Variants in MAST3 observed in about 807,000 individuals in gnomAD.
MAST3 encodes microtubule-associated serine/threonine-protein kinase 3.
A neutral mutation model predicts 127.0 loss-of-function variants in MAST3; 43 were observed. The observed-to-expected ratio is 0.34, with a 90% confidence interval of 0.27 to 0.44. The LOEUF (loss-of-function observed/expected upper bound fraction) is 0.44, where lower values mean the gene tolerates loss of function less well. Ranked by LOEUF, MAST3 falls within the 20% of genes least tolerant of loss-of-function variation. The probability of loss-of-function intolerance (pLI) is 1.00; values close to 1 mark genes in which losing one functional copy is unlikely to be tolerated. For missense variants in MAST3, 1,390 were observed against 1,919.1 expected (o/e 0.72, Z 5.15); for synonymous variants, 785 against 809.2 (o/e 0.97, Z 0.51).
intron 19 of MAST3, 127 bp from the exon 20 acceptor site, chr19:18,138,888 C>T (rs1343783004): frequency 4.5e-6 from 3 of 668,142 alleles, no homozygotes; most frequent in Non-Finnish European, 8.1e-6. Flanking sequence ...ACACCAGGCA[C>T]TGTCCCACCT....
intron 13 of MAST3, 119 bp downstream of exon 13, chr19:18,129,070 G>GTGT: frequency 2.4e-6 from 2 of 838,440 alleles, no homozygotes; most frequent in Non-Finnish European, 1.9e-6. Flanking sequence ...ATCCTTGAAT[G>GTGT]GGCAGAGAAG....
intron 3 of MAST3, among the ~76,000 whole-genome samples, chr19:18,114,851 A>G (rs566312717): frequency 1.3e-5 from 2 of 152,042 alleles, no homozygotes; most frequent in Non-Finnish European, 2.9e-5. Context: ...TGGATTTTCT[A>G]CCTAGGGCAC....
chr19:18,134,717 CGGGCAGGTGGGT>C lies in MAST3; in HGVS notation c.1704+13_1704+24del. 1 of 1,612,222 alleles carries C rather than the reference CGGGCAGGTGGGT, an allele frequency of 6.2e-7. No homozygotes were observed. The highest frequency in any genetic ancestry group is 8.5e-7 in the Non-Finnish European group (1 of 1,178,710). ...GAGAGTTCATCGACAAGCAGGTGGG[CGGGCAGGTGGGT>C]GGGCAGCCCCGGGATGCCTCCTCCT... On this transcript the variant is annotated splice_region_variant and intron_variant, in intron 16 of 27. Transcript: ENST00000687212.
intron 21 of MAST3, 69 bp downstream of exon 21, chr19:18,142,084 T>G (rs950093205): frequency 7.5e-7 from 1 of 1,338,000 alleles, no homozygotes; most frequent in Non-Finnish European, 9.7e-7. Context: ...ACACAAAATC[T>G]GATGCAAAGG....
chr19:18,128,476 G>A lies in MAST3; in HGVS notation c.1137+18G>A. ...CCCCAGAGGTGAGTAGCAGAGGCTG[G>A]GGGACCCCCGCTCATCTTGTTCTTT... On this transcript the variant is annotated intron_variant, in intron 12 of 27. Coordinates refer to ENST00000687212, the MANE Select transcript of MAST3 (RefSeq NM_001393504.1). The A allele has an allele frequency of 6.4e-7, 1 of 1,551,318 alleles. No individual in the cohort carries two copies. The highest frequency in any genetic ancestry group is 8.7e-7 in the Non-Finnish European group (1 of 1,146,858).
intron 14 of MAST3, among the ~76,000 whole-genome samples, chr19:18,131,196 G>T (rs561112545): frequency 1.3e-5 from 2 of 151,400 alleles, no homozygotes; most frequent in Non-Finnish European, 2.9e-5. Context: ...TGGGCTGATC[G>T]CTTGAGGTCA....
intron 14 of MAST3, among the ~76,000 whole-genome samples, chr19:18,131,194 T>G (rs1359251112): frequency 6.6e-6 from 1 of 152,228 alleles, no homozygotes; most frequent in East Asian, 1.9e-4. Context: ...AGTGGGCTGA[T>G]CGCTTGAGGT....
chr19:18,121,586 C>A, intron 3 of MAST3, 99 bp from the exon 4 acceptor site: 1 of 1,040,190 alleles, frequency 9.6e-7, no homozygotes, highest in Non-Finnish European at 1.5e-6. Context: ...AACATCCCAT[C>A]CTTCTCCAGA....
intron 1 of MAST3, among the ~76,000 whole-genome samples, chr19:18,105,735 T>G (rs1466388568): frequency 6.6e-6 from 1 of 151,954 alleles, no homozygotes; most frequent in African/African-American, 2.4e-5. Context: ...GAGGATGGAC[T>G]GTGAGGTCAC....
intron 14 of MAST3, 31 bp downstream of exon 14, chr19:18,130,733 C>T (rs933583361): frequency 3.1e-6 from 5 of 1,598,676 alleles, no homozygotes; most frequent in East Asian, 2.2e-5. Flanking sequence ...ATGCCTCCAG[C>T]GATGGGGAGC....
Position 18,144,224 on chromosome 19 carries a change from C to T in MAST3, c.2584+217C>T, listed in dbSNP as rs553060502. Reference sequence around the variant, plus strand: ...CATAGAGTCAGGATGGGACCCCTAGCTCCCAAGATGGGGGAACTAAGGGTC... The same window carrying T: ...CATAGAGTCAGGATGGGACCCCTAGTTCCCAAGATGGGGGAACTAAGGGTC... On this transcript the variant is annotated intron_variant, in intron 22 of 27. Coordinates refer to ENST00000687212, the MANE Select transcript of MAST3 (RefSeq NM_001393504.1). This position sits in a 1 kb window ranked among gnomAD's most constrained non-coding sequence, Gnocchi z 4.0. 6.6e-6 allele frequency among the ~76,000 whole-genome samples: 1 copy of T among 152,242 alleles called. No individual in the cohort carries two copies. The highest frequency in any genetic ancestry group is 1.9e-4 in the East Asian group (1 of 5,178).
Position 18,110,004 on chromosome 19 carries a change from C to A in MAST3, c.72-648C>A. ...CGCCCTTCCCTTCCGGGGCGCAGCT[C>A]GGGGGCTCCCAAGCCGGCGGCCTCG... On this transcript the variant is annotated intron_variant, in intron 2 of 27. Coordinates refer to ENST00000687212, the MANE Select transcript of MAST3 (RefSeq NM_001393504.1). This position sits in a 1 kb window ranked among gnomAD's most constrained non-coding sequence, Gnocchi z 4.3. 1.0e-6 allele frequency: 1 copy of A among 985,330 alleles called. No homozygotes were observed. Among genetic ancestry groups the A allele is most frequent in the Non-Finnish European group, 1.2e-6 (1 of 829,872 alleles). The allele number at this position is 985,330 out of a possible 1,614,324, so 61.0% of individuals were successfully genotyped here.
chr19:18,101,636 G>A (rs987395328), intron 1 of MAST3, among the ~76,000 whole-genome samples: 13 of 152,030 alleles, frequency 8.6e-5, no homozygotes, highest in Non-Finnish European at 1.9e-4. Flanking sequence ...CTCCCTTTGA[G>A]TCTCTCTTTT....
intron 3 of MAST3, among the ~76,000 whole-genome samples, chr19:18,115,980 T>C (rs552086834): frequency 2.4e-4 from 36 of 152,316 alleles, no homozygotes; most frequent in African/African-American, 8.7e-4. Context: ...TCCTCCTCCA[T>C]TTCTGGCTGG....
At chr19:18,114,072 C>T (rs2038957863) in intron 3 of MAST3, among the ~76,000 whole-genome samples, 1 of 152,226 alleles carries the variant, frequency 6.6e-6, no homozygotes, top group Non-Finnish European at 1.5e-5. Flanking sequence ...TCATCAAGGC[C>T]TCAGCCTCAG....
rs536931743 is a variant in MAST3, at chr19:18,141,648, C to T, written c.2206-234C>T. Among the ~76,000 whole-genome samples the T allele has an allele frequency of 2.6e-5, 4 of 152,068 alleles. No homozygotes were observed. The South Asian group carries it at 8.3e-4, about 32-fold the overall frequency. Reference sequence around the variant, plus strand: ...TCAGCCTCCCAGAGTGGTGGGATTACAGGCATAAGTCACCAGGCCTGGTCT... The same window carrying T: ...TCAGCCTCCCAGAGTGGTGGGATTATAGGCATAAGTCACCAGGCCTGGTCT... On this transcript the variant is annotated intron_variant, in intron 20 of 27. Transcript: ENST00000687212.
chr19:18,145,324 G>GC lies in MAST3; in HGVS notation c.3039+95_3039+96insC. 1 of 1,240,708 alleles carries GC rather than the reference G, an allele frequency of 8.1e-7. No individual in the cohort carries two copies. Among genetic ancestry groups the GC allele is most frequent in the Non-Finnish European group, 1.2e-6 (1 of 856,436 alleles). The allele number at this position is 1,240,708 out of a possible 1,614,324, so 76.9% of individuals were successfully genotyped here. On this transcript the variant is annotated intron_variant, in intron 24 of 27. Coordinates refer to ENST00000687212, the MANE Select transcript of MAST3 (RefSeq NM_001393504.1). This position sits in a 1 kb window ranked among gnomAD's most constrained non-coding sequence, Gnocchi z 5.9. ...GAGCTGCATTTTGGAGCCTGGCAGGGTTAGGTAGATAGAGCTGGTGCCACC... is the reference window on the plus strand; with the variant it reads ...GAGCTGCATTTTGGAGCCTGGCAGGGCTTAGGTAGATAGAGCTGGTGCCACC...
chr19:18,116,006 C>CTCTGAGAG (rs2039177544), intron 3 of MAST3, among the ~76,000 whole-genome samples: 1 of 152,156 alleles, frequency 6.6e-6, no homozygotes, highest in Non-Finnish European at 1.5e-5. Context: ...GCATTACCTC[C>CTCTGAGAG]TCTGAGAGGC....
rs1289882140 is a variant in MAST3 at position 18,146,979 on chromosome 19, C to CAGGAGCAAG, written c.3268_3276dup (p.Lys1090_Ser1092dup). The CAGGAGCAAG allele has an allele frequency of 6.4e-7, 1 of 1,567,144 alleles. No homozygotes were observed. On this transcript the variant is annotated inframe_insertion, in exon 26 of 28. Transcript: ENST00000687212. ...ATGTGGCCAAGGGCCGCATGGCACG[C>CAGGAGCAAG]AGGAGCAAGAGGAGCCGTCGGCGGG...
Sources: allele counts gnomAD v4.1 joint callset (sites outside exome capture counted in the v4.1 genomes callset), GRCh38; gene constraint gnomAD v4.1.1; non-coding constraint Gnocchi (gnomAD v3.1); transcripts MANE v1.5; gene names NCBI Gene and HGNC (gene_info 2026-07-23, HGNC 2026-07-21).